Variants in RALYL observed in about 807,000 individuals in gnomAD.
The protein encoded by RALYL is RALY RNA binding protein like, also known as RNA-binding Raly-like protein.
A neutral mutation model predicts 35.1 loss-of-function variants in RALYL; 29 were observed. That is an observed-to-expected ratio of 0.83 (90% CI 0.61 to 1.13). The LOEUF (loss-of-function observed/expected upper bound fraction) is 1.13. RALYL is among the 50% of genes most tolerant of loss of function. The pLI, the probability that RALYL is intolerant of heterozygous loss-of-function variation, is 0.00. For synonymous variants in RALYL, 120 were observed against 127.6 expected (o/e 0.94, Z 0.40); for missense variants, 359 against 360.4 (o/e 1.00, Z 0.03).
rs762557637 is a variant in RALYL at position 84,894,098 on chromosome 8, G to T, written c.858+6322G>T. ...AAGACAACTGAAAGTAAACATTCTG[G>T]TACACCATTGAAAAACTGGAATGCA... is the stretch of plus-strand genomic sequence containing the variant. On this transcript the variant is annotated intron_variant, in intron 8 of 8. Transcript: ENST00000521268. 7.9e-5 allele frequency among the ~76,000 whole-genome samples: 12 copies of T among 152,106 alleles called. No individual in the cohort carries two copies. In the East Asian group the frequency reaches 1.2e-3, roughly 15 times the overall value.
chr8:84,644,277 CATT>C (rs1264756987), intron 2 of RALYL, among the ~76,000 whole-genome samples: 4 of 151,958 alleles, frequency 2.6e-5, no homozygotes, highest in African/African-American at 9.7e-5. Flanking sequence ...AAAACAATGA[CATT>C]ATTATTCCCA....
chr8:84,707,462 C>A (rs548732444), intron 2 of RALYL, among the ~76,000 whole-genome samples: 2 of 152,100 alleles, frequency 1.3e-5, no homozygotes, highest in East Asian at 3.9e-4. Flanking sequence ...CCTTAATGCA[C>A]ATGGAAAATA....
At chr8:84,808,600 G>T (rs1825215091) in intron 4 of RALYL, among the ~76,000 whole-genome samples, 1 of 152,050 alleles carries the variant, frequency 6.6e-6, no homozygotes, top group Non-Finnish European at 1.5e-5. Context: ...TTGGCAGTGT[G>T]GTCATTTTCA....
intron 3 of RALYL, among the ~76,000 whole-genome samples, chr8:84,801,663 G>A (rs546351521): frequency 6.6e-4 from 100 of 152,326 alleles, no homozygotes; most frequent in Middle Eastern, 6.8e-3. Flanking sequence ...ATAATGCTAA[G>A]TGTACCAAAG....
chr8:84,651,242 T>C (rs1291728859), intron 2 of RALYL, among the ~76,000 whole-genome samples: 2 of 151,540 alleles, frequency 1.3e-5, no homozygotes, highest in East Asian at 3.9e-4. Flanking sequence ...TTAAAAAAAT[T>C]AAAATAAAAT....
At chr8:84,558,008 G>A (rs2061247581) in intron 2 of RALYL, among the ~76,000 whole-genome samples, 1 of 152,094 alleles carries the variant, frequency 6.6e-6, no homozygotes, top group Non-Finnish European at 1.5e-5. Context: ...TCCCATTAAT[G>A]TAATGTTGCT....
At position 84,241,051 on chromosome 8, in the gene RALYL, T is replaced by A. The variant is rs185988263; in HGVS notation, c.-24+56627T>A. Among the ~76,000 whole-genome samples the A allele has an allele frequency of 2.0e-5, 3 of 152,140 alleles. No homozygotes were observed. The East Asian group carries it at 5.8e-4, about 29-fold the overall frequency. On this transcript the variant is annotated intron_variant, in intron 1 of 8. Transcript: ENST00000521268. ...TGTCATTTCTAAATATATATACTTA[T>A]ATATATTTATTTTGGACATGATCTG...
intron 4 of RALYL, among the ~76,000 whole-genome samples, chr8:84,813,432 C>G (rs1826376238): frequency 6.6e-6 from 1 of 152,192 alleles, no homozygotes; most frequent in African/African-American, 2.4e-5. Context: ...AGTCCTGCCT[C>G]CCATTCCTCT....
At chr8:84,695,422 C>T (rs1157081923) in intron 2 of RALYL, among the ~76,000 whole-genome samples, 1 of 151,792 alleles carries the variant, frequency 6.6e-6, no homozygotes, top group Non-Finnish European at 1.5e-5. Flanking sequence ...TCTATCACCA[C>T]TGACTGCCAC....
chr8:84,385,589 A>G (rs1456617950), intron 1 of RALYL, among the ~76,000 whole-genome samples: 1 of 151,820 alleles, frequency 6.6e-6, no homozygotes, highest in Non-Finnish European at 1.5e-5. Context: ...CCATTGAACA[A>G]TGTCTGTCTT....
At chr8:84,269,037 T>C (rs1200822651) in intron 1 of RALYL, among the ~76,000 whole-genome samples, 2 of 152,206 alleles carry the variant, frequency 1.3e-5, no homozygotes, top group African/African-American at 4.8e-5. Context: ...TGAGCATAAA[T>C]GGTGAAATCA....
At chr8:84,817,492 C>T (rs1827605478) in intron 4 of RALYL, among the ~76,000 whole-genome samples, 1 of 151,286 alleles carries the variant, frequency 6.6e-6, no homozygotes, top group Admixed American at 6.6e-5. Flanking sequence ...TTTAACTTTC[C>T]TGAGTCTCCA....
At chr8:84,733,343 T>C (rs1424058890) in intron 2 of RALYL, among the ~76,000 whole-genome samples, 1 of 152,126 alleles carries the variant, frequency 6.6e-6, no homozygotes, top group Admixed American at 6.6e-5. Flanking sequence ...TCTCCAAAAT[T>C]TCCTTATGCT....
At chr8:84,679,754 C>T in intron 2 of RALYL, 1 of 522,694 alleles carries the variant, frequency 1.9e-6, no homozygotes, top group South Asian at 1.4e-5. Context: ...AGACCTGATA[C>T]TTTGGATTCA....
At chr8:84,680,879 C>A (rs577403492) in intron 2 of RALYL, among the ~76,000 whole-genome samples, 1 of 152,042 alleles carries the variant, frequency 6.6e-6, no homozygotes, top group African/African-American at 2.4e-5. Context: ...TCAATTTTGG[C>A]TTTTGTTGCC....
intron 1 of RALYL, among the ~76,000 whole-genome samples, chr8:84,403,440 G>A (rs551573958): frequency 4.2e-4 from 63 of 148,628 alleles, no homozygotes; most frequent in African/African-American, 1.1e-3. Context: ...GCTTGTTTTC[G>A]TCAGTTTTGC....
At chr8:84,375,395 C>G (rs58436520) in intron 1 of RALYL, among the ~76,000 whole-genome samples, 2 of 151,716 alleles carry the variant, frequency 1.3e-5, no homozygotes, top group Non-Finnish European at 1.5e-5. Flanking sequence ...AGAGTTATCA[C>G]TTACCATAAT....
intron 1 of RALYL, among the ~76,000 whole-genome samples, chr8:84,507,037 A>G (rs990994050): frequency 7.2e-5 from 11 of 152,220 alleles, no homozygotes; most frequent in Middle Eastern, 3.4e-3. Context: ...CAAAGTGCCT[A>G]GAACTTACTA....
intron 2 of RALYL, among the ~76,000 whole-genome samples, chr8:84,694,504 GAATT>G (rs1164246865): frequency 1.3e-5 from 2 of 151,722 alleles, no homozygotes; most frequent in African/African-American, 4.8e-5. Context: ...TGGATTAAAA[GAATT>G]AATATTTTTT....
Sources: gnomAD v4.1 joint callset for allele counts (sites outside exome capture counted in the v4.1 genomes callset) on GRCh38, gnomAD v4.1.1 for gene constraint, MANE v1.5 for transcripts, NCBI Gene and HGNC (gene_info 2026-07-23, HGNC 2026-07-21) for gene names.